The following PTPRD variants were observed in gnomAD, a reference collection of about 807,000 sequenced individuals.
The protein encoded by PTPRD is protein tyrosine phosphatase receptor type D.
In PTPRD, 34 loss-of-function variants were observed where a neutral mutation model predicts 214.5. The observed-to-expected ratio is 0.16, with a 90% CI of 0.12 to 0.21. PTPRD has a LOEUF of 0.21. Ranked by LOEUF, PTPRD falls within the 10% of genes least tolerant of loss-of-function variation. The pLI is 1.00. For synonymous variants in PTPRD, 1,128 were observed against 845.7 expected (o/e 1.33, Z -5.79); for missense variants, 2,545 against 2,398.7 (o/e 1.06, Z -1.27).
chr9:8,367,076 T>G (rs555652052), intron 39 of PTPRD, among the ~76,000 whole-genome samples: 1 of 152,188 alleles, frequency 6.6e-6, no homozygotes, highest in African/African-American at 2.4e-5. Context: ...AGCGTATGGT[T>G]TGTATGGTTG....
chr9:8,778,650 G>A (rs1427410522), intron 11 of PTPRD, among the ~76,000 whole-genome samples: 1 of 152,154 alleles, frequency 6.6e-6, no homozygotes, highest in African/African-American at 2.4e-5. Context: ...GGATTCCACT[G>A]TTTACTTAAG....
intron 3 of PTPRD, among the ~76,000 whole-genome samples, chr9:10,228,634 C>T (rs1197608821): frequency 6.6e-6 from 1 of 151,328 alleles, no homozygotes; most frequent in Non-Finnish European, 1.5e-5. Context: ...TTTTCACCTG[C>T]TCTATCTGTA....
chr9:9,058,364 G>A (rs988029315), intron 10 of PTPRD, among the ~76,000 whole-genome samples: 3 of 150,690 alleles, frequency 2.0e-5, no homozygotes, highest in Non-Finnish European at 3.0e-5. Flanking sequence ...GACTGGACTG[G>A]CTAAATCCCC....
At chr9:8,794,339 T>C (rs549927284) in intron 11 of PTPRD, among the ~76,000 whole-genome samples, 4 of 152,230 alleles carry the variant, frequency 2.6e-5, no homozygotes, top group African/African-American at 9.6e-5. Context: ...AAATAATACT[T>C]AAGCCCATTT....
At chr9:8,340,165 A>C (rs1258171699) in intron 42 of PTPRD, among the ~76,000 whole-genome samples, 178 bp downstream of exon 42, 1 of 152,164 alleles carries the variant, frequency 6.6e-6, no homozygotes, top group Non-Finnish European at 1.5e-5. Context: ...ACATAAATTT[A>C]AACACTTGAT....
chr9:8,703,146 T>C (rs1278843887), intron 12 of PTPRD, among the ~76,000 whole-genome samples: 1 of 152,216 alleles, frequency 6.6e-6, no homozygotes, highest in East Asian at 1.9e-4. Context: ...ATAGTGAATC[T>C]GGAAATCTAT....
At chr9:9,632,521 C>G (rs966671657) in intron 7 of PTPRD, among the ~76,000 whole-genome samples, 3 of 151,806 alleles carry the variant, frequency 2.0e-5, no homozygotes, top group Non-Finnish European at 2.9e-5. Context: ...ATATTAAAAA[C>G]AACTATATTG....
At chr9:9,917,557 A>G (rs760248752) in intron 5 of PTPRD, among the ~76,000 whole-genome samples, 10 of 151,816 alleles carry the variant, frequency 6.6e-5, no homozygotes, top group Non-Finnish European at 8.8e-5. Context: ...CAAAAAAATG[A>G]AGCAGAAGGT....
intron 3 of PTPRD, among the ~76,000 whole-genome samples, chr9:10,289,424 G>A (rs1487154657): frequency 6.6e-6 from 1 of 152,122 alleles, no homozygotes; most frequent in Non-Finnish European, 1.5e-5. Flanking sequence ...ACCCTGCTTA[G>A]GTTGATGTGA....
intron 11 of PTPRD, among the ~76,000 whole-genome samples, chr9:8,874,224 C>T (rs1256272351): frequency 6.6e-6 from 1 of 152,202 alleles, no homozygotes; most frequent in African/African-American, 2.4e-5. Context: ...TTGCCCATAA[C>T]TTGCATGGTG....
intron 9 of PTPRD, among the ~76,000 whole-genome samples, chr9:9,249,155 C>G (rs1438890637): frequency 2.6e-5 from 4 of 151,938 alleles, no homozygotes; most frequent in Non-Finnish European, 5.9e-5. Flanking sequence ...TTATTAGTTA[C>G]TATAAGATCT....
At chr9:9,855,694 G>A (rs775815880) in intron 5 of PTPRD, among the ~76,000 whole-genome samples, 8 of 152,180 alleles carry the variant, frequency 5.3e-5, no homozygotes, top group Non-Finnish European at 8.8e-5. Flanking sequence ...CCTCCAGGAG[G>A]CAACACGCAG....
chr9:9,522,825 G>C (rs190752442), intron 8 of PTPRD, among the ~76,000 whole-genome samples: 4 of 152,230 alleles, frequency 2.6e-5, no homozygotes, highest in Admixed American at 1.3e-4. Flanking sequence ...AGCATAAAAG[G>C]AATTATGAAT....
At chr9:8,750,610 G>A (rs945598884) in intron 11 of PTPRD, among the ~76,000 whole-genome samples, 1 of 152,200 alleles carries the variant, frequency 6.6e-6, no homozygotes, top group Non-Finnish European at 1.5e-5. Context: ...GGGCATGTAA[G>A]CCTGAACCTG....
At chr9:8,819,777 G>T (rs1176117860) in intron 11 of PTPRD, among the ~76,000 whole-genome samples, 17 of 152,208 alleles carry the variant, frequency 1.1e-4, no homozygotes, top group Non-Finnish European at 2.5e-4. Flanking sequence ...TTGTGACACA[G>T]CATCGTGAAG....
chr9:8,955,362 C>T (rs991945671), intron 11 of PTPRD, among the ~76,000 whole-genome samples: 1 of 151,716 alleles, frequency 6.6e-6, no homozygotes, highest in Non-Finnish European at 1.5e-5. Flanking sequence ...AGAGATAGTC[C>T]TACTCAGAGG....
chr9:9,723,324 C>T (rs964944547), intron 7 of PTPRD, among the ~76,000 whole-genome samples: 10 of 152,142 alleles, frequency 6.6e-5, no homozygotes, highest in Admixed American at 3.3e-4. Context: ...ATCAGTTAGC[C>T]ATAAACTTAT....
At chr9:9,124,253 G>A (rs2154466960) in intron 10 of PTPRD, among the ~76,000 whole-genome samples, 1 of 152,136 alleles carries the variant, frequency 6.6e-6, no homozygotes, top group South Asian at 2.1e-4. Flanking sequence ...ACAAATACTG[G>A]AAAAAGTAGC....
In PTPRD at chr9:8,934,393, A is replaced by ATGTGTGTG. The variant is rs756848411; in HGVS notation, c.-104+84296_-104+84303dup. On this transcript the variant is annotated intron_variant, in intron 11 of 45. Transcript: ENST00000381196. Reference sequence around the variant, plus strand: ...GAGGTGTAATTGACAAATACTAATTATGTGTGTGTGTGTGTGTGTGTGTGT... The same window carrying ATGTGTGTG: ...GAGGTGTAATTGACAAATACTAATTATGTGTGTGTGTGTGTGTGTGTGTGTGTGTGTGT... Among the ~76,000 whole-genome samples the ATGTGTGTG allele has an allele frequency of 2.0e-3, 95 of 48,208 alleles. 3 individuals are homozygous for ATGTGTGTG. The highest frequency in any genetic ancestry group is 0.01 in the East Asian group (18 of 1,764). 31.6% of individuals were successfully genotyped at this position (48,208 alleles called of 152,430 possible).
Sources: allele counts gnomAD v4.1 joint callset (sites outside exome capture counted in the v4.1 genomes callset), GRCh38; gene constraint gnomAD v4.1.1; transcripts MANE v1.5; gene names NCBI Gene and HGNC (gene_info 2026-07-23, HGNC 2026-07-21).